Variants in ARID5B observed in about 807,000 individuals in gnomAD.
ARID5B encodes AT-rich interaction domain 5B, also known as AT-rich interactive domain-containing protein 5B.
ARID5B carries 13 observed loss-of-function variants against 97.2 expected under a neutral mutation model. The ratio of observed to expected loss-of-function variants is 0.13; its 90% confidence interval spans 0.09 to 0.21. The LOEUF (loss-of-function observed/expected upper bound fraction) is 0.21, where lower values mean the gene tolerates loss of function less well. ARID5B is among the 10% of genes least tolerant of loss of function. The pLI is 1.00. For synonymous variants in ARID5B, 556 were observed against 570.3 expected, an observed-to-expected ratio of 0.97 and a Z score of 0.36; for missense variants, 1,210 against 1,465.3, an observed-to-expected ratio of 0.83 and a Z score of 2.84.
chr10:61,991,586 A>G (rs1295379326), intron 3 of ARID5B, among the ~76,000 whole-genome samples: 1 of 152,174 alleles, frequency 6.6e-6, no homozygotes, highest in African/African-American at 2.4e-5. Context: ...CTTATCAGGT[A>G]TATGCTTTGC....
At chr10:61,948,624 C>T (rs988361875) in intron 3 of ARID5B, among the ~76,000 whole-genome samples, 3 of 152,108 alleles carry the variant, frequency 2.0e-5, no homozygotes, top group Non-Finnish European at 4.4e-5. Flanking sequence ...CCTTGGCCTA[C>T]CAAAGTGCTG....
chr10:61,932,945 A>G (rs189550919), intron 2 of ARID5B, among the ~76,000 whole-genome samples: 59 of 152,244 alleles, frequency 3.9e-4, no homozygotes, highest in Admixed American at 2.0e-4. Flanking sequence ...TAAATTTAAA[A>G]ATTTAGCCAG....
chr10:62,080,081 G>C (rs1022588484), intron 8 of ARID5B, among the ~76,000 whole-genome samples: 1 of 152,122 alleles, frequency 6.6e-6, no homozygotes. Context: ...CCGCCATTTT[G>C]TTGGCTCAGA....
Position 62,093,651 on chromosome 10 carries a change from C to CTTTTTTTTTTTTTTTTTTTTTT in ARID5B, c.*627_*648dup, listed in dbSNP as rs57902062. 1 of 78,676 alleles carries CTTTTTTTTTTTTTTTTTTTTTT rather than the reference C, an allele frequency of 1.3e-5. No homozygotes were observed. The highest frequency in any genetic ancestry group is 2.2e-5 in the Non-Finnish European group (1 of 46,290). The allele number at this position is 78,676 out of a possible 1,614,324, so 4.9% of individuals were successfully genotyped here. A position where few individuals can be genotyped will look rare whatever the true frequency, so the allele number is the denominator to read the frequency against. On this transcript the variant is annotated 3_prime_UTR_variant, in exon 10 of 10. Transcript: ENST00000279873. ...CCATTTTCTCCCAGTTCCTTCTCGT[C>CTTTTTTTTTTTTTTTTTTTTTT]TTTTTTTTTTTTTTTTTTTTTTTTT...
At chr10:61,958,921 C>G (rs1838431798) in intron 3 of ARID5B, among the ~76,000 whole-genome samples, 1 of 152,206 alleles carries the variant, frequency 6.6e-6, no homozygotes, top group Non-Finnish European at 1.5e-5. Context: ...GTTGAAGGCT[C>G]TTTCTTATTT....
chr10:62,028,797 C>T (rs1279109800), intron 4 of ARID5B, among the ~76,000 whole-genome samples: 1 of 151,988 alleles, frequency 6.6e-6, no homozygotes, highest in Non-Finnish European at 1.5e-5. Flanking sequence ...CCTGTCTCTA[C>T]TAAAAATACA....
At chr10:61,950,487 A>G (rs1227519617) in intron 3 of ARID5B, among the ~76,000 whole-genome samples, 1 of 152,214 alleles carries the variant, frequency 6.6e-6, no homozygotes, top group Non-Finnish European at 1.5e-5. Context: ...TGGGCAACAT[A>G]GTGAGACCTG....
chr10:62,038,936 C>T lies in ARID5B; in HGVS notation c.734-11952C>T, dbSNP rs367641086. Among the ~76,000 whole-genome samples the T allele has an allele frequency of 2.2e-4, 34 of 152,292 alleles. 1 individual carries two copies. In the East Asian group the frequency reaches 6.2e-3, roughly 28 times the overall value. The stretch of plus-strand genomic sequence containing the variant: ...GTTAAGGATTTATTTCTCCACCTTC[C>T]GATTGCCATACATGCAGCCTCCGAG... On this transcript the variant is annotated intron_variant, in intron 4 of 9. Transcript: ENST00000279873.
chr10:61,986,470 C>T (rs1421288927), intron 3 of ARID5B, among the ~76,000 whole-genome samples: 1 of 152,034 alleles, frequency 6.6e-6, no homozygotes, highest in Non-Finnish European at 1.5e-5. Context: ...AATCAACATT[C>T]GGGTGTGTTA....
In ARID5B at chr10:62,093,352, G is replaced by A. The variant is rs760529897; in HGVS notation, c.*322G>A. On this transcript the variant is annotated 3_prime_UTR_variant, in exon 10 of 10. Transcript: ENST00000279873. ...AACTTAGAGGACCCCATCTGAGTTC[G>A]GATGGTCAGGAAACAATCTGGGCAA... 3 of 295,544 alleles carry A rather than the reference G, an allele frequency of 1.0e-5. No individual in the cohort carries two copies. Among genetic ancestry groups the A allele is most frequent in the Non-Finnish European group, 1.9e-5 (3 of 158,974 alleles). The allele number at this position is 295,544 out of a possible 1,614,324, so 18.3% of individuals were successfully genotyped here.
intron 2 of ARID5B, among the ~76,000 whole-genome samples, chr10:61,929,640 A>G (rs1186756106): frequency 1.3e-5 from 2 of 152,220 alleles, no homozygotes; most frequent in South Asian, 2.1e-4. Flanking sequence ...GAGGTTGTCT[A>G]GGGACTGGGC....
chr10:61,969,788 G>T (rs1191169597), intron 3 of ARID5B, among the ~76,000 whole-genome samples: 1 of 152,050 alleles, frequency 6.6e-6, no homozygotes, highest in Admixed American at 6.6e-5. Context: ...CAGTCTACTA[G>T]GTGCTTTAAT....
At chr10:61,966,286 G>A (rs1209307378) in intron 3 of ARID5B, among the ~76,000 whole-genome samples, 1 of 152,106 alleles carries the variant, frequency 6.6e-6, no homozygotes, top group East Asian at 1.9e-4. Flanking sequence ...AAAAAGTGGT[G>A]AGGAGAGGCA....
At position 62,090,978 on chromosome 10, in the gene ARID5B, G is replaced by A. The variant is rs763421661; in HGVS notation, c.1515G>A (p.Ala505=). The change falls in exon 10 of 10, where the codon GCG becomes GCA. Residue 505 remains alanine (A), a synonymous_variant. Transcript: ENST00000279873. ...TAGAAGGGTATCAGGAATTTTCAGC[G>A]AAGCCCCTGGCATCCAGAGTAGACC... ...KKIEGYQEFS[A]KPLASRVDPE... is the part of the protein sequence containing the mutation. 1.1e-5 allele frequency: 17 copies of A among 1,614,000 alleles called. No individual in the cohort carries two copies. Among genetic ancestry groups the A allele is most frequent in the Admixed American group, 1.0e-4 (6 of 59,998 alleles).
chr10:62,069,862 A>C lies in ARID5B; in HGVS notation c.1199+65A>C, dbSNP rs1378463112. On this transcript the variant is annotated intron_variant, in intron 8 of 9. Coordinates refer to ENST00000279873, the MANE Select transcript of ARID5B (RefSeq NM_032199.3). The stretch of plus-strand genomic sequence containing the variant: ...GTTAATTGAAAGGAGCTTCTGGTCA[A>C]GGATAAGACAGAGGAAGTCTAAATG... 2.0e-6 allele frequency: 3 copies of C among 1,505,512 alleles called. No homozygotes were observed. In the African/African-American group the frequency reaches 4.2e-5, roughly 21 times the overall value. 93.3% of individuals were successfully genotyped at this position (1,505,512 alleles called of 1,614,324 possible). A position where few individuals can be genotyped will look rare whatever the true frequency, so the allele number is the denominator to read the frequency against.
In ARID5B at chr10:61,991,917, AG is replaced by A. The variant is rs1192140466; in HGVS notation, c.503-8173del. 1.3e-5 allele frequency among the ~76,000 whole-genome samples: 2 copies of A among 152,178 alleles called. 1 individual carries two copies. Among genetic ancestry groups the A allele is most frequent in the African/African-American group, 4.8e-5 (2 of 41,438 alleles). On this transcript the variant is annotated intron_variant, in intron 3 of 9. Coordinates refer to ENST00000279873, the MANE Select transcript of ARID5B (RefSeq NM_032199.3). The stretch of plus-strand genomic sequence containing the variant: ...TGTGGTGGCGCATACCTGTAATCCC[AG>A]CTACTGGGGAGGCTGAGGTAGGAGA...
intron 5 of ARID5B, among the ~76,000 whole-genome samples, chr10:62,051,665 A>G (rs548870578): frequency 6.6e-6 from 1 of 152,330 alleles, no homozygotes; most frequent in East Asian, 1.9e-4. Flanking sequence ...GCATGCCTGA[A>G]GTATTTTGCA....
intron 3 of ARID5B, among the ~76,000 whole-genome samples, chr10:61,997,231 G>T (rs1027313080): frequency 6.6e-6 from 1 of 151,812 alleles, no homozygotes; most frequent in Non-Finnish European, 1.5e-5. Flanking sequence ...TAGTGTTTTG[G>T]GTACTGCGTG....
chr10:61,984,280 G>C (rs1838817253), intron 3 of ARID5B, among the ~76,000 whole-genome samples: 1 of 152,226 alleles, frequency 6.6e-6, no homozygotes, highest in Non-Finnish European at 1.5e-5. Context: ...GGAGCTCCCT[G>C]AGAGCAGGTG....
Sources: allele counts gnomAD v4.1 joint callset (sites outside exome capture counted in the v4.1 genomes callset), GRCh38; gene constraint gnomAD v4.1.1; transcripts MANE v1.5; gene names NCBI Gene and HGNC (gene_info 2026-07-23, HGNC 2026-07-21).